The following APOBEC2 variants were observed in gnomAD, a reference collection of about 807,000 sequenced individuals.
APOBEC2 encodes the protein C->U-editing enzyme APOBEC-2.
In APOBEC2, 14 loss-of-function variants were observed where a neutral mutation model predicts 19.4. The ratio of observed to expected loss-of-function variants is 0.72; its 90% CI spans 0.48 to 1.13. APOBEC2 has a LOEUF of 1.13. Ranked by LOEUF, APOBEC2 falls within the 50% of genes most tolerant of loss-of-function variation. The pLI, the probability that APOBEC2 is intolerant of heterozygous loss-of-function variation, is 0.00. For missense variants in APOBEC2, 304 were observed against 277.0 expected (o/e 1.10, Z -0.69); for synonymous variants, 127 against 112.1 (o/e 1.13, Z -0.84).
At chr6:41,057,560 G>A (rs1371649778) in intron 1 of APOBEC2, among the ~76,000 whole-genome samples, 1 of 152,102 alleles carries the variant, frequency 6.6e-6, no homozygotes, top group East Asian at 1.9e-4. Flanking sequence ...CCACTCCTTG[G>A]TATCCGCTTT....
intron 1 of APOBEC2, among the ~76,000 whole-genome samples, chr6:41,060,481 C>T (rs796169977): frequency 6.6e-5 from 10 of 152,352 alleles, no homozygotes; most frequent in African/African-American, 2.4e-4. Context: ...ATAATGTTCT[C>T]AGCTGTTTTA....
rs748696871 is a variant in APOBEC2, at chr6:41,061,597, G to A, written c.401G>A (p.Arg134His). The change falls in exon 2 of 3, where the codon CGC (arginine) becomes CAC (histidine). Residue 134 changes from arginine (R) to histidine (H), a missense_variant. Arg to His is a conservative substitution (Grantham distance 29). Transcript: ENST00000244669. The part of the protein sequence containing the change: ...SSSPCAACAD[R>H]IIKTLSKTKN... ...AGCCCCTGTGCAGCGTGTGCTGACC[G>A]CATTATCAAAACCCTTAGCAAGACC... 7.4e-6 allele frequency: 12 copies of A among 1,614,196 alleles called. No homozygotes were observed. The highest frequency in any genetic ancestry group is 1.3e-5 in the African/African-American group (1 of 75,052).
intron 1 of APOBEC2, among the ~76,000 whole-genome samples, chr6:41,054,787 G>A (rs1002796851): frequency 6.6e-6 from 1 of 152,198 alleles, no homozygotes; most frequent in Non-Finnish European, 1.5e-5. Context: ...GCTTTCTTAT[G>A]GAAGGAGAGC....
At chr6:41,058,012 C>T (rs1762816838) in intron 1 of APOBEC2, among the ~76,000 whole-genome samples, 2 of 152,146 alleles carry the variant, frequency 1.3e-5, no homozygotes, top group African/African-American at 4.8e-5. Context: ...TGGTGCTTAA[C>T]AAGGTGCTAT....
At chr6:41,053,620 A>AG in intron 1 of APOBEC2, 142 bp downstream of exon 1, 9 of 1,252,464 alleles carry the variant, frequency 7.2e-6, no homozygotes, top group Non-Finnish European at 9.7e-6. Flanking sequence ...TGGGCCCGGC[A>AG]GGGGTGGTAG....
chr6:41,061,761 C>A lies in APOBEC2; in HGVS notation c.565C>A (p.Gln189Lys). 1 of 1,614,180 alleles carries A rather than the reference C, an allele frequency of 6.2e-7. No homozygotes were observed. Among genetic ancestry groups the A allele is most frequent in the East Asian group, 2.2e-5 (1 of 44,870 alleles). Reference protein sequence around the residue: ...MKPQDFEYVWQNFVEQEEGES... With the variant: ...MKPQDFEYVWKNFVEQEEGES... ...GCCCCAGGACTTCGAATATGTCTGG[C>A]AGAATTTTGTGGAGCAAGAAGAGGG... Residue 189 changes from glutamine to lysine, a missense_variant, in exon 2 of 3, where the codon CAG (glutamine) becomes AAG (lysine). Physicochemically the swap from Gln to Lys is moderately conservative, Grantham distance 53 (BLOSUM62 1). Transcript: ENST00000244669.
chr6:41,055,144 C>T (rs1762778556), intron 1 of APOBEC2, among the ~76,000 whole-genome samples: 1 of 152,134 alleles, frequency 6.6e-6, no homozygotes, highest in Admixed American at 6.5e-5. Flanking sequence ...ATGGTATGTC[C>T]AAAACCACAG....
intron 1 of APOBEC2, among the ~76,000 whole-genome samples, chr6:41,054,672 T>A (rs979832646): frequency 6.6e-6 from 1 of 152,192 alleles, no homozygotes; most frequent in Non-Finnish European, 1.5e-5. Flanking sequence ...CCCACCCAAC[T>A]AATCTCACCC....
chr6:41,061,593 G>C lies in APOBEC2; in HGVS notation c.397G>C (p.Asp133His), dbSNP rs189032144. The C allele has an allele frequency of 1.2e-6, 2 of 1,614,208 alleles. No individual in the cohort carries two copies. Among genetic ancestry groups the C allele is most frequent in the East Asian group, 2.2e-5 (1 of 44,886 alleles). ...VSSSPCAACA[D>H]RIIKTLSKTK... ...CTCCAGCCCCTGTGCAGCGTGTGCT[G>C]ACCGCATTATCAAAACCCTTAGCAA... The change falls in exon 2 of 3, where the codon GAC becomes CAC. Residue 133 changes from aspartate to histidine, a missense_variant. Physicochemically the swap from Asp to His is moderately conservative, Grantham distance 81 (BLOSUM62 -1). Transcript: ENST00000244669.
intron 1 of APOBEC2, among the ~76,000 whole-genome samples, chr6:41,058,443 C>A (rs535830041): frequency 4.4e-4 from 67 of 151,820 alleles, no homozygotes; most frequent in South Asian, 6.3e-4. Flanking sequence ...ACACACACAC[C>A]CCCACCCCTT....
chr6:41,055,674 G>T (rs761910059), intron 1 of APOBEC2, among the ~76,000 whole-genome samples: 7 of 152,214 alleles, frequency 4.6e-5, no homozygotes, highest in African/African-American at 7.2e-5. Context: ...GTAGCTGGTA[G>T]GAAGGAGAGA....
intron 2 of APOBEC2, among the ~76,000 whole-genome samples, chr6:41,063,662 T>C (rs1409010836): frequency 1.9e-3 from 5 of 2,674 alleles, no homozygotes; most frequent in Admixed American, 4.0e-3. Context: ...ATATATCAAG[T>C]TAAAAAAAAA....
At chr6:41,058,925 G>C (rs1388692852) in intron 1 of APOBEC2, among the ~76,000 whole-genome samples, 1 of 152,182 alleles carries the variant, frequency 6.6e-6, no homozygotes, top group Non-Finnish European at 1.5e-5. Flanking sequence ...CCTGCTGAGG[G>C]ACAGAGTAGA....
chr6:41,056,297 T>C (rs1414836747), intron 1 of APOBEC2, among the ~76,000 whole-genome samples: 5 of 152,164 alleles, frequency 3.3e-5, no homozygotes, highest in Admixed American at 3.3e-4. Context: ...AATCTTTGTA[T>C]TTTTATAGAG....
At chr6:41,057,088 C>T (rs1762806517) in intron 1 of APOBEC2, among the ~76,000 whole-genome samples, 1 of 152,184 alleles carries the variant, frequency 6.6e-6, no homozygotes, top group African/African-American at 2.4e-5. Context: ...GCAGAACCTC[C>T]TATCCCAGGG....
At chr6:41,063,687 A>G (rs933373288) in intron 2 of APOBEC2, among the ~76,000 whole-genome samples, 2 of 149,878 alleles carry the variant, frequency 1.3e-5, no homozygotes, top group African/African-American at 2.4e-5. Flanking sequence ...CTGGCATGAG[A>G]TAAGAGTGTA....
In APOBEC2 at chr6:41,053,625, T is replaced by C. The variant is rs1581987629; in HGVS notation, c.131+147T>C. The C allele has an allele frequency of 8.0e-6, 10 of 1,251,762 alleles. No individual in the cohort carries two copies. In the South Asian group the frequency reaches 1.5e-4, roughly 19 times the overall value. 77.5% of individuals were successfully genotyped at this position (1,251,762 alleles called of 1,614,324 possible). A position where few individuals can be genotyped will look rare whatever the true frequency, so the allele number is the denominator to read the frequency against. ...AGTGCACCAGTGGGCCCGGCAGGGG[T>C]GGTAGGGGACCCAGCAGCAAATTCT... On this transcript the variant is annotated intron_variant, in intron 1 of 2. Transcript: ENST00000244669.
At chr6:41,058,695 C>T (rs1386573329) in intron 1 of APOBEC2, among the ~76,000 whole-genome samples, 2 of 152,176 alleles carry the variant, frequency 1.3e-5, no homozygotes, top group East Asian at 1.9e-4. Context: ...CCTCTGTTCT[C>T]CTGGTTTCCC....
At chr6:41,058,720 A>G (rs1338338249) in intron 1 of APOBEC2, among the ~76,000 whole-genome samples, 1 of 152,072 alleles carries the variant, frequency 6.6e-6, no homozygotes, top group Non-Finnish European at 1.5e-5. Flanking sequence ...GGACGTAGCT[A>G]TTTCGGTCTG....
Sources: allele counts gnomAD v4.1 joint callset (sites outside exome capture counted in the v4.1 genomes callset), GRCh38; gene constraint gnomAD v4.1.1; transcripts MANE v1.5; gene names NCBI Gene and HGNC (gene_info 2026-07-23, HGNC 2026-07-21).